Variants in CNTN4 observed in about 807,000 individuals in gnomAD.
CNTN4 encodes the protein contactin-4.
In CNTN4, 77 loss-of-function variants were observed where a neutral mutation model predicts 122.5. The ratio of observed to expected loss-of-function variants is 0.63; its 90% confidence interval spans 0.52 to 0.76. The LOEUF is 0.76. Ranked by LOEUF, CNTN4 falls within the 30% of genes least tolerant of loss-of-function variation. The pLI is 0.00. For synonymous variants in CNTN4, 512 were observed against 447.0 expected (o/e 1.15, Z -1.83); for missense variants, 1,256 against 1,259.1 (o/e 1.00, Z 0.04).
chr3:2,694,515 A>C (rs2085914969), intron 4 of CNTN4, among the ~76,000 whole-genome samples: 1 of 152,166 alleles, frequency 6.6e-6, no homozygotes, highest in South Asian at 2.1e-4. Context: ...GGATCACTTT[A>C]GGTCAGGAGT....
At chr3:2,204,746 C>G (rs1422701831) in intron 2 of CNTN4, among the ~76,000 whole-genome samples, 1 of 151,882 alleles carries the variant, frequency 6.6e-6, no homozygotes, top group Admixed American at 6.6e-5. Flanking sequence ...GGATGCAAGG[C>G]CCCCCCATGG....
intron 4 of CNTN4, chr3:2,735,886 G>T: frequency 2.1e-6 from 1 of 473,484 alleles, no homozygotes; most frequent in East Asian, 6.0e-5. Context: ...AAAGGGATAC[G>T]GGAAGCACAA....
At chr3:2,654,797 T>C (rs1318711628) in intron 4 of CNTN4, among the ~76,000 whole-genome samples, 3 of 152,134 alleles carry the variant, frequency 2.0e-5, no homozygotes, top group African/African-American at 2.4e-5. Flanking sequence ...TAAGAACAAA[T>C]AGGAATCTGC....
chr3:2,591,734 G>C (rs1316813044), intron 4 of CNTN4, among the ~76,000 whole-genome samples: 1 of 152,048 alleles, frequency 6.6e-6, no homozygotes, highest in Non-Finnish European at 1.5e-5. Context: ...ATTTTTGAAA[G>C]GCCTAAACGA....
intron 3 of CNTN4, among the ~76,000 whole-genome samples, chr3:2,528,942 C>A (rs748300410): frequency 7.9e-5 from 12 of 152,154 alleles, no homozygotes; most frequent in Admixed American, 1.3e-4. Flanking sequence ...TTCATCATTT[C>A]TTTGTGTTGA....
At chr3:2,690,183 A>G (rs548346977) in intron 4 of CNTN4, among the ~76,000 whole-genome samples, 20 of 152,140 alleles carry the variant, frequency 1.3e-4, no homozygotes, top group Non-Finnish European at 2.8e-4. Flanking sequence ...TGTATTCTAC[A>G]GCTTCTGGAT....
intron 3 of CNTN4, among the ~76,000 whole-genome samples, chr3:2,566,527 C>T (rs1401110616): frequency 1.3e-5 from 2 of 152,200 alleles, no homozygotes; most frequent in Non-Finnish European, 2.9e-5. Flanking sequence ...TGGTGGTTCA[C>T]TATTCTATGT....
chr3:2,674,576 G>A (rs1320079363), intron 4 of CNTN4, among the ~76,000 whole-genome samples: 1 of 152,182 alleles, frequency 6.6e-6, no homozygotes. Context: ...AGCCAACATG[G>A]TGAAATCTCG....
intron 14 of CNTN4, among the ~76,000 whole-genome samples, chr3:2,990,017 C>T (rs1022161403): frequency 6.6e-6 from 1 of 152,204 alleles, no homozygotes; most frequent in Admixed American, 6.5e-5. Context: ...CTCATTTCTA[C>T]CACTTACCAG....
intron 3 of CNTN4, among the ~76,000 whole-genome samples, chr3:2,370,268 C>A (rs965731031): frequency 7.2e-5 from 11 of 152,076 alleles, no homozygotes; most frequent in African/African-American, 2.7e-4. Flanking sequence ...CCAGTGTTAG[C>A]TATTCTGTAG....
At chr3:3,030,292 G>A (rs771852192) in intron 15 of CNTN4, among the ~76,000 whole-genome samples, 13 of 152,136 alleles carry the variant, frequency 8.5e-5, no homozygotes, top group South Asian at 2.1e-4. Context: ...CATGCATTTG[G>A]CATTTGGAAA....
intron 3 of CNTN4, among the ~76,000 whole-genome samples, chr3:2,505,771 C>T (rs574275420): frequency 6.6e-6 from 1 of 152,290 alleles, no homozygotes; most frequent in East Asian, 1.9e-4. Flanking sequence ...TGAATTTAGG[C>T]AGAGGTTTCC....
chr3:2,807,282 G>A (rs2092490537), intron 6 of CNTN4, among the ~76,000 whole-genome samples: 1 of 152,166 alleles, frequency 6.6e-6, no homozygotes, highest in Non-Finnish European at 1.5e-5. Flanking sequence ...AATGAGAACA[G>A]GGAAACAGCA....
At chr3:2,157,924 G>GAAATCTATCAAATCTATC (rs1339925951) in intron 2 of CNTN4, among the ~76,000 whole-genome samples, 2 of 152,120 alleles carry the variant, frequency 1.3e-5, no homozygotes, top group Non-Finnish European at 2.9e-5. Flanking sequence ...ATCATTCTCA[G>GAAATCTATCAAATCTATC]AAATCTATCA....
chr3:2,181,755 T>G (rs911884449), intron 2 of CNTN4, among the ~76,000 whole-genome samples: 1 of 152,134 alleles, frequency 6.6e-6, no homozygotes, highest in African/African-American at 2.4e-5. Context: ...TAAAAACATT[T>G]TTCCTTGTTG....
intron 4 of CNTN4, among the ~76,000 whole-genome samples, chr3:2,617,266 A>C (rs529263675): frequency 7.2e-5 from 11 of 152,272 alleles, no homozygotes; most frequent in Admixed American, 2.0e-4. Context: ...AATATTCAGC[A>C]TCTACAAGGA....
chr3:2,627,705 G>A (rs911741917), intron 4 of CNTN4, among the ~76,000 whole-genome samples: 11 of 152,012 alleles, frequency 7.2e-5, no homozygotes, highest in African/African-American at 1.2e-4. Context: ...GTGTTAGCCA[G>A]GATGGTCTCG....
At chr3:2,982,180 G>A (rs1262527749) in intron 13 of CNTN4, among the ~76,000 whole-genome samples, 1 of 152,076 alleles carries the variant, frequency 6.6e-6, no homozygotes, top group Non-Finnish European at 1.5e-5. Context: ...CTTCATATTC[G>A]GAACTGTGTG....
intron 3 of CNTN4, among the ~76,000 whole-genome samples, chr3:2,565,553 C>T (rs915788249): frequency 2.6e-5 from 4 of 152,150 alleles, no homozygotes; most frequent in Admixed American, 1.3e-4. Context: ...GACATATAAA[C>T]TATATCTTGT....
Sources: gnomAD v4.1 joint callset for allele counts (sites outside exome capture counted in the v4.1 genomes callset) on GRCh38, gnomAD v4.1.1 for gene constraint, MANE v1.5 for transcripts, NCBI Gene and HGNC (gene_info 2026-07-23, HGNC 2026-07-21) for gene names.